The following PRELID2 variants were observed in gnomAD, a reference collection of about 807,000 sequenced individuals.
The protein encoded by PRELID2 is PRELI domain-containing protein 2.
A neutral mutation model predicts 28.4 loss-of-function variants in PRELID2; 25 were observed. The observed-to-expected ratio is 0.88, with a 90% CI of 0.64 to 1.23. PRELID2 has a LOEUF of 1.23. Among genes scored for constraint, PRELID2 ranks in the 50% most tolerant of loss-of-function variants. PRELID2 has a pLI of 0.00. For missense variants in PRELID2, 201 were observed against 214.4 expected, an observed-to-expected ratio of 0.94 and a Z score of 0.39; for synonymous variants, 76 against 71.6, an observed-to-expected ratio of 1.06 and a Z score of -0.31.
At chr5:145,748,537 T>C (rs1757051661) in intron 1 of PRELID2, among the ~76,000 whole-genome samples, 1 of 152,138 alleles carries the variant, frequency 6.6e-6, no homozygotes. Flanking sequence ...GTCCTGAAAA[T>C]GGCCATACTG....
At chr5:145,243,251 C>T in the PRELID2 span, among the ~76,000 whole-genome samples, 1 of 151,986 alleles carries the variant, frequency 6.6e-6, no homozygotes, top group Non-Finnish European at 1.5e-5. Flanking sequence ...TGTCCTACAT[C>T]GGTTTGCCAA....
At chr5:145,397,354 G>A in the PRELID2 span, among the ~76,000 whole-genome samples, 27 of 152,056 alleles carry the variant, frequency 1.8e-4, no homozygotes, top group African/African-American at 4.1e-4. Flanking sequence ...CAAAACACAC[G>A]CCAAAAGAAA....
intron 1 of PRELID2, among the ~76,000 whole-genome samples, chr5:145,678,911 A>C (rs1754877340): frequency 6.6e-6 from 1 of 152,200 alleles, no homozygotes; most frequent in Admixed American, 6.5e-5. Context: ...TTTCAGGCAT[A>C]ACTCTCAAGT....
chr5:145,308,745 A>G, the PRELID2 span, among the ~76,000 whole-genome samples: 3 of 152,218 alleles, frequency 2.0e-5, no homozygotes, highest in Admixed American at 1.3e-4. Context: ...TTTTCTAGAA[A>G]GAACAAAAGC....
the PRELID2 span, among the ~76,000 whole-genome samples, chr5:145,386,130 T>C: frequency 1.3e-5 from 2 of 151,970 alleles, no homozygotes; most frequent in African/African-American, 2.4e-5. Flanking sequence ...CTTACAATCA[T>C]GGCAGAAAGG....
At chr5:145,328,347 G>A in the PRELID2 span, among the ~76,000 whole-genome samples, 8 of 152,180 alleles carry the variant, frequency 5.3e-5, no homozygotes, top group Non-Finnish European at 5.9e-5. Context: ...CTAGATCCTT[G>A]AGGAAACACC....
At chr5:145,634,609 C>T (rs979063698) in intron 1 of PRELID2, among the ~76,000 whole-genome samples, 2 of 152,150 alleles carry the variant, frequency 1.3e-5, no homozygotes, top group Non-Finnish European at 2.9e-5. Flanking sequence ...GATGCCCCTA[C>T]CCCAGTGATG....
chr5:145,502,904 G>A (rs1752372463), intron 1 of PRELID2, among the ~76,000 whole-genome samples: 1 of 151,506 alleles, frequency 6.6e-6, no homozygotes. Flanking sequence ...AAATAAATGA[G>A]GGCTATCTGA....
At chr5:145,554,408 A>G (rs1272546900) in intron 1 of PRELID2, among the ~76,000 whole-genome samples, 2 of 152,226 alleles carry the variant, frequency 1.3e-5, no homozygotes, top group African/African-American at 4.8e-5. Flanking sequence ...ATAATGACAG[A>G]AGGACACCAC....
intron 1 of PRELID2, among the ~76,000 whole-genome samples, chr5:145,498,927 A>G (rs1752331302): frequency 2.6e-5 from 4 of 152,242 alleles, no homozygotes; most frequent in Admixed American, 2.6e-4. Flanking sequence ...ATACTACACC[A>G]TTACTGAAAA....
the PRELID2 span, among the ~76,000 whole-genome samples, chr5:145,388,480 C>T: frequency 1.6e-3 from 244 of 152,220 alleles, no homozygotes; most frequent in African/African-American, 5.7e-3. Flanking sequence ...TTTACAAACC[C>T]TAGTTTAATC....
chr5:145,467,672 A>T (rs558127454), downstream of PRELID2, among the ~76,000 whole-genome samples: 1 of 152,080 alleles, frequency 6.6e-6, no homozygotes, highest in East Asian at 1.9e-4. Context: ...ACTGTTTCTT[A>T]AGGGGAATTC....
At chr5:145,690,701 C>T (rs544794756) in intron 1 of PRELID2, among the ~76,000 whole-genome samples, 8 of 152,220 alleles carry the variant, frequency 5.3e-5, no homozygotes, top group East Asian at 1.9e-4. Flanking sequence ...ATTTAAGCCA[C>T]GTGAAGTGAG....
At chr5:145,232,305 T>C in the PRELID2 span, among the ~76,000 whole-genome samples, 1 of 152,152 alleles carries the variant, frequency 6.6e-6, no homozygotes, top group Admixed American at 6.6e-5. Flanking sequence ...AGGTGAATAA[T>C]ATTATTGTTA....
chr5:145,564,004 G>A lies in PRELID2; in HGVS notation n.71-90689C>T, dbSNP rs191447571. On this transcript the variant is annotated intron_variant and non_coding_transcript_variant, in intron 1 of 2. Transcript: ENST00000510259. ...GTCAAAGTCTTTTCACTATGCATAT[G>A]TACGTCAAAACATCATGTTGTGCAA... 2.2e-4 allele frequency among the ~76,000 whole-genome samples: 33 copies of A among 152,298 alleles called. 1 individual carries two copies. Among genetic ancestry groups the A allele is most frequent in the Admixed American group, 1.6e-3 (25 of 15,292 alleles).
At chr5:145,354,301 T>C in the PRELID2 span, among the ~76,000 whole-genome samples, 1 of 152,176 alleles carries the variant, frequency 6.6e-6, no homozygotes, top group Non-Finnish European at 1.5e-5. Flanking sequence ...ATGAACCATA[T>C]TTTGTAAAAT....
chr5:145,570,930 C>A (rs2149617487), intron 1 of PRELID2, among the ~76,000 whole-genome samples: 1 of 152,318 alleles, frequency 6.6e-6, no homozygotes, highest in East Asian at 1.9e-4. Context: ...ACCACTCTTC[C>A]TTTAGCTTCT....
At chr5:145,811,975 C>T (rs1184727232) in intron 4 of PRELID2, among the ~76,000 whole-genome samples, 1 of 152,202 alleles carries the variant, frequency 6.6e-6, no homozygotes, top group African/African-American at 2.4e-5. Context: ...CAGGTGCCTA[C>T]CCATCCCCCA....
the PRELID2 span, among the ~76,000 whole-genome samples, chr5:145,382,074 A>G: frequency 6.6e-6 from 1 of 151,958 alleles, no homozygotes; most frequent in Non-Finnish European, 1.5e-5. Context: ...AGAAATTGAG[A>G]CCCTTAAAAT....
Sources: gnomAD v4.1 joint callset for allele counts (sites outside exome capture counted in the v4.1 genomes callset) on GRCh38, gnomAD v4.1.1 for gene constraint, MANE v1.5 for transcripts, NCBI Gene and HGNC (gene_info 2026-07-23, HGNC 2026-07-21) for gene names.